Variants in ESRRG observed in about 807,000 individuals in gnomAD.
ESRRG encodes the protein estrogen-related receptor gamma.
In ESRRG, 13 loss-of-function variants were observed where a neutral mutation model predicts 44.0. The observed-to-expected ratio is 0.30, with a 90% CI of 0.19 to 0.47. The LOEUF (loss-of-function observed/expected upper bound fraction) is 0.47, where lower values mean the gene tolerates loss of function less well. Among genes scored for constraint, ESRRG ranks in the 20% least tolerant of loss-of-function variants. ESRRG has a pLI of 1.00. For synonymous variants in ESRRG, 215 were observed against 214.6 expected (o/e 1.00, Z -0.02); for missense variants, 395 against 580.6 (o/e 0.68, Z 3.29).
At chr1:216,671,691 T>C (rs1337902104) in intron 2 of ESRRG, among the ~76,000 whole-genome samples, 1 of 152,170 alleles carries the variant, frequency 6.6e-6, no homozygotes, top group Non-Finnish European at 1.5e-5. Context: ...ACCGATGCTA[T>C]AATGAACATC....
chr1:216,559,037 T>G (rs986682294), intron 5 of ESRRG, among the ~76,000 whole-genome samples: 3 of 143,212 alleles, frequency 2.1e-5, no homozygotes, highest in Non-Finnish European at 4.7e-5. Flanking sequence ...ATCCAGATAA[T>G]TTTTATACTT....
chr1:216,557,881 C>T (rs375708653), intron 5 of ESRRG, among the ~76,000 whole-genome samples: 7 of 152,088 alleles, frequency 4.6e-5, no homozygotes, highest in East Asian at 1.9e-4. Context: ...ACTTAAATTG[C>T]ATTCAGTGAT....
At chr1:216,595,167 A>T (rs900578016) in intron 3 of ESRRG, among the ~76,000 whole-genome samples, 5 of 152,228 alleles carry the variant, frequency 3.3e-5, no homozygotes, top group Admixed American at 2.6e-4. Context: ...AAAACTAAAC[A>T]TTACATAGCA....
intron 5 of ESRRG, among the ~76,000 whole-genome samples, chr1:216,520,769 C>T (rs906787653): frequency 5.3e-5 from 8 of 152,262 alleles, no homozygotes; most frequent in Admixed American, 5.2e-4. Flanking sequence ...AATAATGCAA[C>T]TTAAGAAATC....
intron 2 of ESRRG, among the ~76,000 whole-genome samples, chr1:216,912,848 A>G (rs1317819774): frequency 1.3e-5 from 2 of 152,090 alleles, no homozygotes; most frequent in Non-Finnish European, 1.5e-5. Flanking sequence ...GAGGCTGGGC[A>G]TGGTGGCTCA....
chr1:216,846,381 G>C (rs1052327038), intron 2 of ESRRG, among the ~76,000 whole-genome samples: 7 of 152,036 alleles, frequency 4.6e-5, no homozygotes, highest in African/African-American at 1.7e-4. Flanking sequence ...TCTTTGTCTA[G>C]AGGAGTTGGC....
At chr1:216,943,811 AT>A (rs1360789089) in intron 1 of ESRRG, among the ~76,000 whole-genome samples, 3 of 152,138 alleles carry the variant, frequency 2.0e-5, no homozygotes, top group African/African-American at 7.2e-5. Context: ...TACGTTATTC[AT>A]GGGGGTTTGA....
chr1:216,567,171 G>T (rs2047430), intron 4 of ESRRG, among the ~76,000 whole-genome samples: 1 of 151,924 alleles, frequency 6.6e-6, no homozygotes, highest in African/African-American at 2.4e-5. Flanking sequence ...TCACCAAAGC[G>T]CTCCTCCATG....
In ESRRG at chr1:216,809,596, T is replaced by C. The variant is rs77823737; in HGVS notation, c.-14+129986A>G. ...TAGAAAACAAGGTATTTTGTTATGT[T>C]GTTCTCCATAAAACCTAAAATTCCT... On this transcript the variant is annotated intron_variant, in intron 2 of 7. Coordinates refer to the ESRRG transcript ENST00000359162. Among the ~76,000 whole-genome samples the C allele has an allele frequency of 4.4e-3, 663 of 152,324 alleles. 18 individuals carry two copies. The highest frequency in any genetic ancestry group is 0.026 in the Admixed American group (401 of 15,290).
At chr1:216,599,982 C>T (rs917507238) in intron 3 of ESRRG, among the ~76,000 whole-genome samples, 2 of 152,200 alleles carry the variant, frequency 1.3e-5, no homozygotes, top group African/African-American at 2.4e-5. Flanking sequence ...GCTGGAGATG[C>T]CCCTCAGCAG....
chr1:216,549,279 AGTG>A (rs1360319048), intron 5 of ESRRG, among the ~76,000 whole-genome samples: 32 of 152,260 alleles, frequency 2.1e-4, no homozygotes, highest in Admixed American at 4.6e-4. Flanking sequence ...CCGTAAGATC[AGTG>A]ATGGAAAAGA....
At position 216,856,486 on chromosome 1, in the gene ESRRG, G is replaced by A. The variant is rs578121811; in HGVS notation, c.-14+83096C>T. On this transcript the variant is annotated intron_variant, in intron 2 of 7. Coordinates refer to the ESRRG transcript ENST00000359162. ...CATCTCTGACATCAAAACAATTTCT[G>A]TCAAAGTGTCTGGGTTCAAGCAACC... Among the ~76,000 whole-genome samples the A allele has an allele frequency of 6.6e-5, 10 of 152,150 alleles. No individual in the cohort carries two copies. The East Asian group carries it at 1.9e-3, about 29-fold the overall frequency.
At chr1:216,931,291 C>T (rs1179737948) in intron 2 of ESRRG, among the ~76,000 whole-genome samples, 1 of 152,206 alleles carries the variant, frequency 6.6e-6, no homozygotes, top group Non-Finnish European at 1.5e-5. Context: ...TTTCTAACCT[C>T]ACCTTCAGAA....
intron 2 of ESRRG, among the ~76,000 whole-genome samples, chr1:216,799,166 G>T (rs928202778): frequency 1.3e-5 from 2 of 152,028 alleles, no homozygotes; most frequent in Admixed American, 1.3e-4. Context: ...CTATACCATT[G>T]CAATTCCTAT....
In ESRRG at chr1:216,606,224, C is replaced by T. The variant is rs372087130; in HGVS notation, c.590-38126G>A. ...CCTCCCCATTGTAGATTCAATAATA[C>T]AAGAGGCTTCTTATCAGCAGCTGGG... On this transcript the variant is annotated intron_variant, in intron 3 of 6. Transcript: ENST00000408911. Among the ~76,000 whole-genome samples, 3 of 152,254 alleles carry T rather than the reference C, an allele frequency of 2.0e-5. No homozygotes were observed. In the East Asian group the frequency reaches 5.8e-4, roughly 29 times the overall value.
intron 3 of ESRRG, among the ~76,000 whole-genome samples, chr1:216,617,302 C>T (rs1175463419): frequency 1.3e-5 from 2 of 152,000 alleles, no homozygotes; most frequent in Non-Finnish European, 2.9e-5. Flanking sequence ...ATAGGTGACA[C>T]TATTTATAAA....
intron 5 of ESRRG, among the ~76,000 whole-genome samples, chr1:216,521,451 C>T (rs1292656693): frequency 7.0e-6 from 1 of 143,526 alleles, no homozygotes; most frequent in Admixed American, 7.3e-5. Flanking sequence ...AATTAAAATA[C>T]CAAAAAAAAA....
intron 2 of ESRRG, among the ~76,000 whole-genome samples, chr1:216,885,007 C>T (rs2096495528): frequency 6.6e-6 from 1 of 152,150 alleles, no homozygotes; most frequent in Non-Finnish European, 1.5e-5. Flanking sequence ...TGCTAATCCT[C>T]TCCTCTCAGC....
chr1:216,901,876 C>G (rs889567236), intron 2 of ESRRG, among the ~76,000 whole-genome samples: 1 of 152,112 alleles, frequency 6.6e-6, no homozygotes, highest in Non-Finnish European at 1.5e-5. Flanking sequence ...CCTCAGCCCC[C>G]CAAGCATCTG....
Sources: allele counts gnomAD v4.1 joint callset (sites outside exome capture counted in the v4.1 genomes callset), GRCh38; gene constraint gnomAD v4.1.1; transcripts MANE v1.5; gene names NCBI Gene and HGNC (gene_info 2026-07-23, HGNC 2026-07-21).